Variants in CORIN observed in about 807,000 individuals in gnomAD.
CORIN encodes atrial natriuretic peptide-converting enzyme.
CORIN carries 117 observed loss-of-function variants against 125.3 expected under a neutral mutation model. The ratio of observed to expected loss-of-function variants is 0.93; its 90% CI spans 0.80 to 1.09. CORIN has a LOEUF of 1.09. Among genes scored for constraint, CORIN ranks in the 50% least tolerant of loss-of-function variants. The pLI is 0.00. For synonymous variants in CORIN, 450 were observed against 466.4 expected (o/e 0.96, Z 0.45); for missense variants, 1,253 against 1,306.7 (o/e 0.96, Z 0.63).
chr4:47,825,307 G>C (rs2109981595), intron 1 of CORIN, among the ~76,000 whole-genome samples: 1 of 152,280 alleles, frequency 6.6e-6, no homozygotes, highest in African/African-American at 2.4e-5. Flanking sequence ...TGAGGCCTGG[G>C]AGTCCCCCTT....
At chr4:47,652,492 T>C (rs4131134) in intron 13 of CORIN, among the ~76,000 whole-genome samples, 19,428 of 152,202 alleles carry the variant, frequency 0.13, 1,503 homozygotes, top group African/African-American at 0.21. Context: ...GGCTAAATAA[T>C]CATAACCAAA....
intron 5 of CORIN, among the ~76,000 whole-genome samples, chr4:47,726,509 G>A (rs1727604910): frequency 1.3e-5 from 2 of 152,076 alleles, no homozygotes; most frequent in Admixed American, 1.3e-4. Flanking sequence ...CAGAGATGTG[G>A]AGAACAGATC....
chr4:47,600,196 A>T lies in CORIN; in HGVS notation c.2946+18T>A. 1.3e-6 allele frequency: 2 copies of T among 1,598,580 alleles called. No individual in the cohort carries two copies. Among genetic ancestry groups the T allele is most frequent in the African/African-American group, 1.3e-5 (1 of 74,766 alleles). Reference sequence around the variant, plus strand: ...TATTGTTGAACTGAATCTCCTTGGTAACCAGAAAGCAACTTACCATGCATG... The same window carrying T: ...TATTGTTGAACTGAATCTCCTTGGTTACCAGAAAGCAACTTACCATGCATG... On this transcript the variant is annotated intron_variant, in intron 21 of 21. Coordinates refer to ENST00000273857, the MANE Select transcript of CORIN (RefSeq NM_006587.4).
intron 1 of CORIN, among the ~76,000 whole-genome samples, chr4:47,827,736 TA>T (rs776321194): frequency 5.3e-5 from 8 of 152,216 alleles, no homozygotes; most frequent in Non-Finnish European, 8.8e-5. Flanking sequence ...TTTGAAGGCA[TA>T]GGGGCATATT....
intron 1 of CORIN, among the ~76,000 whole-genome samples, chr4:47,820,363 A>G (rs1732456660): frequency 6.6e-6 from 1 of 152,144 alleles, no homozygotes; most frequent in South Asian, 2.1e-4. Flanking sequence ...GAAAAGGCCT[A>G]GGTTAGGAGC....
At chr4:47,619,929 T>G (rs1207330095) in intron 19 of CORIN, among the ~76,000 whole-genome samples, 1 of 152,170 alleles carries the variant, frequency 6.6e-6, no homozygotes, top group East Asian at 1.9e-4. Flanking sequence ...GCAATAACAT[T>G]CCAGTGTGTT....
At chr4:47,819,209 T>C (rs1257404197) in intron 1 of CORIN, among the ~76,000 whole-genome samples, 1 of 152,126 alleles carries the variant, frequency 6.6e-6, no homozygotes, top group Non-Finnish European at 1.5e-5. Flanking sequence ...ATTAGCCAAC[T>C]CAGGAGGATA....
intron 5 of CORIN, among the ~76,000 whole-genome samples, chr4:47,735,942 T>TAA (rs749270493): frequency 0.082 from 7,863 of 96,248 alleles, 466 homozygotes; most frequent in East Asian, 0.23. Flanking sequence ...GACTCCATCT[T>TAA]AAAAAAAAAA....
chr4:47,765,370 C>T (rs1452069238), intron 3 of CORIN, among the ~76,000 whole-genome samples: 3 of 151,796 alleles, frequency 2.0e-5, no homozygotes, highest in Admixed American at 1.3e-4. Context: ...GAGAGCTTCA[C>T]TGTTTCCTTT....
intron 5 of CORIN, among the ~76,000 whole-genome samples, chr4:47,738,323 T>C (rs186728329): frequency 2.6e-5 from 4 of 152,306 alleles, no homozygotes; most frequent in Admixed American, 1.3e-4. Context: ...TCTGCTATAG[T>C]GTCGACTCTG....
chr4:47,692,865 C>A, intron 6 of CORIN, 105 bp downstream of exon 6: 1 of 824,202 alleles, frequency 1.2e-6, no homozygotes, highest in Admixed American at 1.9e-5. Flanking sequence ...CACGTTTGCT[C>A]GCTTTAGAAA....
chr4:47,809,317 A>G (rs1429650988), intron 1 of CORIN, among the ~76,000 whole-genome samples: 3 of 151,348 alleles, frequency 2.0e-5, no homozygotes, highest in Non-Finnish European at 4.4e-5. Context: ...TCATCTAAGT[A>G]GATATCAAGT....
intron 9 of CORIN, 113 bp downstream of exon 9, chr4:47,677,825 A>G: frequency 1.4e-6 from 1 of 739,728 alleles, no homozygotes; most frequent in Non-Finnish European, 2.4e-6. Context: ...ATGTTAGGCA[A>G]TCTGGGATTA....
At chr4:47,706,514 C>G in intron 5 of CORIN, 1 of 1,611,514 alleles carries the variant, frequency 6.2e-7, no homozygotes, top group Non-Finnish European at 8.5e-7. Flanking sequence ...CCTGATAAAG[C>G]GCGCCAACTG....
intron 2 of CORIN, among the ~76,000 whole-genome samples, chr4:47,806,555 T>C (rs1422883441): frequency 6.6e-6 from 1 of 152,198 alleles, no homozygotes; most frequent in African/African-American, 2.4e-5. Flanking sequence ...ACTTCTATCT[T>C]AAACACGTGT....
At chr4:47,800,489 T>G (rs1021621582) in intron 2 of CORIN, among the ~76,000 whole-genome samples, 2 of 152,146 alleles carry the variant, frequency 1.3e-5, no homozygotes, top group Non-Finnish European at 2.9e-5. Flanking sequence ...GACAGTGGTA[T>G]AGCTGAGGAA....
intron 1 of CORIN, among the ~76,000 whole-genome samples, chr4:47,813,339 C>T (rs2109962372): frequency 6.6e-6 from 1 of 152,324 alleles, no homozygotes; most frequent in East Asian, 1.9e-4. Context: ...CAAGTCCTTG[C>T]TTATTTATTT....
At chr4:47,695,410 GA>G (rs1249866431) in intron 5 of CORIN, among the ~76,000 whole-genome samples, 1 of 152,196 alleles carries the variant, frequency 6.6e-6, no homozygotes, top group East Asian at 1.9e-4. Flanking sequence ...GAAAGCTCAA[GA>G]TTCAATAGCT....
At chr4:47,670,917 A>G (rs1186565059) in intron 10 of CORIN, among the ~76,000 whole-genome samples, 1 of 152,210 alleles carries the variant, frequency 6.6e-6, no homozygotes, top group East Asian at 1.9e-4. Flanking sequence ...GCTAAAAGCT[A>G]TTTCTTGAAA....
Sources: allele counts gnomAD v4.1 joint callset (sites outside exome capture counted in the v4.1 genomes callset), GRCh38; gene constraint gnomAD v4.1.1; transcripts MANE v1.5; gene names NCBI Gene and HGNC (gene_info 2026-07-23, HGNC 2026-07-21).